LRP1B: variants seen among roughly 807,000 people sequenced by gnomAD.
The protein encoded by LRP1B is low-density lipoprotein receptor-related protein 1B.
A neutral mutation model predicts 556.6 loss-of-function variants in LRP1B; 217 were observed. The observed-to-expected ratio is 0.39, with a 90% confidence interval of 0.35 to 0.44. The LOEUF (loss-of-function observed/expected upper bound fraction) is 0.44, where lower values mean the gene tolerates loss of function less well. Ranked by LOEUF, LRP1B falls within the 20% of genes least tolerant of loss-of-function variation. LRP1B has a pLI of 1.00. For synonymous variants in LRP1B, 2,047 were observed against 1,865.8 expected (o/e 1.10, Z -2.50); for missense variants, 5,053 against 5,620.8 (o/e 0.90, Z 3.23).
chr2:142,108,744 C>T (rs1267864768), intron 1 of LRP1B, among the ~76,000 whole-genome samples: 1 of 152,086 alleles, frequency 6.6e-6, no homozygotes, highest in East Asian at 1.9e-4. Flanking sequence ...ATTTTTCAAG[C>T]GTGCTCTTTA....
chr2:142,115,401 G>A (rs891424410), intron 1 of LRP1B, among the ~76,000 whole-genome samples: 1 of 141,688 alleles, frequency 7.1e-6, no homozygotes, highest in Non-Finnish European at 1.5e-5. Flanking sequence ...AAAATAAACA[G>A]TGATAGTACT....
At chr2:141,937,143 A>G (rs931415344) in intron 1 of LRP1B, among the ~76,000 whole-genome samples, 6 of 152,140 alleles carry the variant, frequency 3.9e-5, no homozygotes, top group Admixed American at 3.3e-4. Flanking sequence ...TAATCCGAGC[A>G]CTTTGGGAGG....
At chr2:141,286,241 T>C (rs1685716851) in intron 3 of LRP1B, among the ~76,000 whole-genome samples, 1 of 152,140 alleles carries the variant, frequency 6.6e-6, no homozygotes, top group African/African-American at 2.4e-5. Flanking sequence ...AAACTCTTAA[T>C]AGAGTTAAGT....
chr2:141,074,589 C>CTCTATATA (rs10643830), intron 7 of LRP1B, among the ~76,000 whole-genome samples: 6,109 of 136,306 alleles, frequency 0.045, 172 homozygotes, highest in South Asian at 0.066. Flanking sequence ...CTCTCTCTCT[C>CTCTATATA]TATATATATA....
chr2:142,052,517 T>A (rs1704496732), intron 1 of LRP1B, among the ~76,000 whole-genome samples: 1 of 152,148 alleles, frequency 6.6e-6, no homozygotes, highest in South Asian at 2.1e-4. Flanking sequence ...TGTGCATTAC[T>A]TTTGTATCTT....
chr2:141,228,932 C>T (rs1683357285), intron 6 of LRP1B, among the ~76,000 whole-genome samples: 1 of 151,858 alleles, frequency 6.6e-6, no homozygotes, highest in Admixed American at 6.6e-5. Flanking sequence ...AGTCAGGTGA[C>T]ACTGTAAAAA....
intron 1 of LRP1B, among the ~76,000 whole-genome samples, chr2:142,052,631 G>C (rs750294067): frequency 2.2e-4 from 34 of 152,040 alleles, no homozygotes; most frequent in Non-Finnish European, 8.8e-5. Flanking sequence ...TGATGTCCAG[G>C]TGCGCTCTCA....
At chr2:141,341,066 A>G (rs1454675995) in intron 3 of LRP1B, among the ~76,000 whole-genome samples, 1 of 152,184 alleles carries the variant, frequency 6.6e-6, no homozygotes, top group African/African-American at 2.4e-5. Context: ...AAATATAGGA[A>G]AAAGATAGCA....
intron 41 of LRP1B, among the ~76,000 whole-genome samples, chr2:140,651,132 G>A (rs2105320517): frequency 6.6e-6 from 1 of 152,008 alleles, no homozygotes; most frequent in South Asian, 2.1e-4. Flanking sequence ...AAACATTCCA[G>A]GAAACACCAG....
At chr2:140,703,121 A>G (rs989308) in intron 37 of LRP1B, among the ~76,000 whole-genome samples, 9 of 152,082 alleles carry the variant, frequency 5.9e-5, no homozygotes, top group East Asian at 5.8e-4. Flanking sequence ...ATAGACATGA[A>G]TGCATCATAA....
At chr2:141,606,784 G>T (rs1687930350) in intron 2 of LRP1B, among the ~76,000 whole-genome samples, 1 of 152,172 alleles carries the variant, frequency 6.6e-6, no homozygotes, top group African/African-American at 2.4e-5. Flanking sequence ...CTAGCCTCCA[G>T]AACTGTGAGC....
intron 1 of LRP1B, among the ~76,000 whole-genome samples, chr2:141,880,652 C>A (rs1432190227): frequency 6.6e-6 from 1 of 151,904 alleles, no homozygotes; most frequent in Non-Finnish European, 1.5e-5. Flanking sequence ...AATAGCTACT[C>A]TCATGCACTG....
intron 79 of LRP1B, among the ~76,000 whole-genome samples, chr2:140,327,965 CT>C (rs1452185189): frequency 2.6e-5 from 4 of 151,882 alleles, no homozygotes; most frequent in Admixed American, 2.0e-4. Flanking sequence ...CTATTAAGCC[CT>C]TTAATAAAAG....
At chr2:140,272,100 G>A (rs1682485154) in intron 85 of LRP1B, among the ~76,000 whole-genome samples, 1 of 151,814 alleles carries the variant, frequency 6.6e-6, no homozygotes. Context: ...TAAAGTTTGT[G>A]TTTGAATCCT....
intron 32 of LRP1B, among the ~76,000 whole-genome samples, chr2:140,794,048 C>T (rs1278690540): frequency 2.0e-5 from 3 of 151,966 alleles, no homozygotes; most frequent in African/African-American, 7.3e-5. Flanking sequence ...GTTCTCAGTA[C>T]ATTAGAAATA....
chr2:141,843,089 G>A (rs1318271172), intron 1 of LRP1B, among the ~76,000 whole-genome samples: 1 of 152,048 alleles, frequency 6.6e-6, no homozygotes. Context: ...TGAAGATATA[G>A]CTAGAAATCT....
chr2:140,851,186 T>G (rs1327096629), intron 28 of LRP1B, among the ~76,000 whole-genome samples: 3 of 152,164 alleles, frequency 2.0e-5, no homozygotes, highest in Non-Finnish European at 2.9e-5. Flanking sequence ...TTACAAATCT[T>G]TCCAAGTTAT....
chr2:141,580,549 C>T (rs2105278719), intron 2 of LRP1B, among the ~76,000 whole-genome samples: 1 of 151,494 alleles, frequency 6.6e-6, no homozygotes, highest in South Asian at 2.1e-4. Context: ...TGAGGACAAA[C>T]CTTAGAGTCT....
intron 23 of LRP1B, among the ~76,000 whole-genome samples, chr2:140,887,495 A>G (rs2105195019): frequency 6.6e-6 from 1 of 152,272 alleles, no homozygotes; most frequent in Non-Finnish European, 1.5e-5. Context: ...ATTTCATACC[A>G]TAGACAAAAA....
Sources: allele counts gnomAD v4.1 joint callset (sites outside exome capture counted in the v4.1 genomes callset), GRCh38; gene constraint gnomAD v4.1.1; transcripts MANE v1.5; gene names NCBI Gene and HGNC (gene_info 2026-07-23, HGNC 2026-07-21).